Variants in SAMD4A observed in about 807,000 individuals in gnomAD.
The protein encoded by SAMD4A is protein Smaug homolog 1.
SAMD4A carries 33 observed loss-of-function variants against 81.3 expected under a neutral mutation model. The ratio of observed to expected loss-of-function variants is 0.41; its 90% confidence interval spans 0.31 to 0.54. SAMD4A has a LOEUF of 0.54. Among genes scored for constraint, SAMD4A ranks in the 20% least tolerant of loss-of-function variants. SAMD4A has a pLI of 0.37. For synonymous variants in SAMD4A, 389 were observed against 382.1 expected, an observed-to-expected ratio of 1.02 and a Z score of -0.21; for missense variants, 854 against 951.1, an observed-to-expected ratio of 0.90 and a Z score of 1.34.
chr14:54,775,774 T>C (rs150902921), intron 10 of SAMD4A, among the ~76,000 whole-genome samples: 56 of 151,732 alleles, frequency 3.7e-4, no homozygotes, highest in African/African-American at 1.1e-3. Context: ...GGTTCTGGGG[T>C]CTCAGGAGAA....
intron 3 of SAMD4A, among the ~76,000 whole-genome samples, chr14:54,728,056 A>C (rs1049280267): frequency 6.6e-6 from 1 of 152,160 alleles, no homozygotes; most frequent in African/African-American, 2.4e-5. Flanking sequence ...TCCTGTCCTT[A>C]AGCTGGAACG....
chr14:54,632,725 C>T (rs563867239), intron 2 of SAMD4A, among the ~76,000 whole-genome samples: 6 of 152,316 alleles, frequency 3.9e-5, no homozygotes, highest in Admixed American at 3.9e-4. Context: ...AACCTGTGGT[C>T]TGAATCCTCA....
chr14:54,625,924 G>A (rs1208545824), intron 2 of SAMD4A, among the ~76,000 whole-genome samples: 3 of 151,736 alleles, frequency 2.0e-5, no homozygotes, highest in Non-Finnish European at 4.4e-5. Flanking sequence ...AGTTGTTTCC[G>A]AAGCATGCTA....
chr14:54,647,036 G>A (rs1270575041), intron 2 of SAMD4A, among the ~76,000 whole-genome samples: 1 of 152,106 alleles, frequency 6.6e-6, no homozygotes, highest in Non-Finnish European at 1.5e-5. Flanking sequence ...ATTTTCCAAG[G>A]TTTGATATTT....
chr14:54,665,070 T>C (rs532477936), intron 2 of SAMD4A, among the ~76,000 whole-genome samples: 2 of 152,302 alleles, frequency 1.3e-5, no homozygotes, highest in Non-Finnish European at 1.5e-5. Flanking sequence ...CTAGATTCTA[T>C]AGTGGAGCAC....
At chr14:54,729,580 T>A (rs2037508308) in intron 3 of SAMD4A, among the ~76,000 whole-genome samples, 1 of 152,236 alleles carries the variant, frequency 6.6e-6, no homozygotes, top group African/African-American at 2.4e-5. Context: ...TAGAAATATC[T>A]TCATTTTATG....
At chr14:54,745,721 C>T (rs1423543426) in intron 4 of SAMD4A, among the ~76,000 whole-genome samples, 2 of 152,184 alleles carry the variant, frequency 1.3e-5, no homozygotes, top group Non-Finnish European at 2.9e-5. Context: ...GCATCTTTAT[C>T]TTTCTCACAC....
chr14:54,774,909 C>T, intron 9 of SAMD4A, 25 bp from the exon 10 acceptor site: 1 of 1,612,972 alleles, frequency 6.2e-7, no homozygotes, highest in Non-Finnish European at 8.5e-7. Context: ...CTGATATTCT[C>T]TTCCTTCTCT....
intron 2 of SAMD4A, among the ~76,000 whole-genome samples, chr14:54,660,350 A>T (rs1432546645): frequency 1.3e-5 from 2 of 152,234 alleles, no homozygotes; most frequent in East Asian, 3.8e-4. Flanking sequence ...CAGGGACATA[A>T]GCCAGCCCAG....
intron 11 of SAMD4A, among the ~76,000 whole-genome samples, chr14:54,779,578 G>A (rs763768709): frequency 2.6e-5 from 4 of 152,140 alleles, no homozygotes; most frequent in South Asian, 2.1e-4. Flanking sequence ...CACCTTGCTC[G>A]GGTTTACAGG....
At position 54,574,521 on chromosome 14, in the gene SAMD4A, G is replaced by A. The variant is rs573737142; in HGVS notation, c.196+6409G>A. Among the ~76,000 whole-genome samples the A allele has an allele frequency of 4.4e-4, 67 of 152,316 alleles. 1 individual carries two copies. Among genetic ancestry groups the A allele is most frequent in the African/African-American group, 1.5e-3 (64 of 41,578 alleles). Reference sequence around the variant, plus strand: ...TTGAAGGATGAATGTGAATAGGGTAGAGAGAGGAGAGCATGAGGGATATTC... The same window carrying A: ...TTGAAGGATGAATGTGAATAGGGTAAAGAGAGGAGAGCATGAGGGATATTC... On this transcript the variant is annotated intron_variant, in intron 2 of 12. Coordinates refer to ENST00000554335, the MANE Select transcript of SAMD4A (RefSeq NM_015589.6).
chr14:54,623,979 CT>C (rs558844135), intron 2 of SAMD4A, among the ~76,000 whole-genome samples: 7 of 149,560 alleles, frequency 4.7e-5, no homozygotes, highest in East Asian at 2.0e-4. Context: ...TATTTAATTC[CT>C]TTTTTTTTTC....
rs901404895 is a variant in SAMD4A, at chr14:54,789,663, T to A, written c.*719T>A. On this transcript the variant is annotated 3_prime_UTR_variant, in exon 13 of 13. Coordinates refer to ENST00000554335, the MANE Select transcript of SAMD4A (RefSeq NM_015589.6). ...TCTGTTGTTGTTACGGATTCATTTT[T>A]TCCCTCTATTTTTATAAGAGCAGCA... is the stretch of plus-strand genomic sequence containing the variant. 6.6e-6 allele frequency: 1 copy of A among 152,284 alleles called. No homozygotes were observed. Among genetic ancestry groups the A allele is most frequent in the Non-Finnish European group, 1.5e-5 (1 of 68,068 alleles). The allele number at this position is 152,284 out of a possible 1,614,324, so 9.4% of individuals were successfully genotyped here.
At position 54,567,549 on chromosome 14, in the gene SAMD4A, G is replaced by C; in HGVS notation, c.-368G>C. On this transcript the variant is annotated 5_prime_UTR_variant, in exon 2 of 13. Coordinates refer to ENST00000554335, the MANE Select transcript of SAMD4A (RefSeq NM_015589.6). ...TGAAGGGTCCGAGTTGCCGCCCAGCGGGGAGGAGACCCCAGGACGCCGGAA... is the reference window on the plus strand; with the variant it reads ...TGAAGGGTCCGAGTTGCCGCCCAGCCGGGAGGAGACCCCAGGACGCCGGAA... 3.9e-6 allele frequency: 1 copy of C among 253,442 alleles called. No homozygotes were observed. Among genetic ancestry groups the C allele is most frequent in the Non-Finnish European group, 7.6e-6 (1 of 131,858 alleles). 15.7% of individuals were successfully genotyped at this position (253,442 alleles called of 1,614,324 possible). A position where few individuals can be genotyped will look rare whatever the true frequency, so the allele number is the denominator to read the frequency against.
At chr14:54,699,238 A>G (rs1369806326) in intron 2 of SAMD4A, among the ~76,000 whole-genome samples, 1 of 152,236 alleles carries the variant, frequency 6.6e-6, no homozygotes, top group African/African-American at 2.4e-5. Context: ...TATTTGCTGA[A>G]GATGAATTGA....
At chr14:54,736,125 G>T (rs1349987399) in intron 3 of SAMD4A, among the ~76,000 whole-genome samples, 1 of 152,160 alleles carries the variant, frequency 6.6e-6, no homozygotes, top group Non-Finnish European at 1.5e-5. Context: ...TTCAGTGTTG[G>T]TTTTTGTTAA....
chr14:54,706,836 G>A (rs1266260113), intron 3 of SAMD4A, among the ~76,000 whole-genome samples: 2 of 152,012 alleles, frequency 1.3e-5, no homozygotes, highest in Non-Finnish European at 2.9e-5. Flanking sequence ...AGTGAAGGCA[G>A]GTGGTAAAAG....
In SAMD4A at chr14:54,719,915, T is replaced by A. The variant is rs111613578; in HGVS notation, c.716-17109T>A. 3.5e-3 allele frequency among the ~76,000 whole-genome samples: 531 copies of A among 152,332 alleles called. 2 individuals are homozygous for A. The highest frequency in any genetic ancestry group is 4.9e-3 in the Non-Finnish European group (335 of 68,026). ...GTCTAGCTTTCCTAGTCTAAAATATTTGCTTCTGCAGCTCTAGAAAATTTT... is the reference window on the plus strand; with the variant it reads ...GTCTAGCTTTCCTAGTCTAAAATATATGCTTCTGCAGCTCTAGAAAATTTT... On this transcript the variant is annotated intron_variant, in intron 3 of 12. Coordinates refer to ENST00000554335, the MANE Select transcript of SAMD4A (RefSeq NM_015589.6).
chr14:54,701,636 G>A (rs1385631233), intron 2 of SAMD4A, among the ~76,000 whole-genome samples: 1 of 152,178 alleles, frequency 6.6e-6, no homozygotes, highest in Non-Finnish European at 1.5e-5. Flanking sequence ...AGATGTCTGG[G>A]GGAGGTGAAG....
Sources: gnomAD v4.1 joint callset for allele counts (sites outside exome capture counted in the v4.1 genomes callset) on GRCh38, gnomAD v4.1.1 for gene constraint, MANE v1.5 for transcripts, NCBI Gene and HGNC (gene_info 2026-07-23, HGNC 2026-07-21) for gene names.